The following ANKRD12 variants were observed in gnomAD, a reference collection of about 807,000 sequenced individuals.
ANKRD12 encodes the protein ankyrin repeat domain-containing protein 12.
ANKRD12 carries 85 observed loss-of-function variants against 183.4 expected under a neutral mutation model. The observed-to-expected ratio is 0.46, with a 90% CI of 0.39 to 0.56. The LOEUF (loss-of-function observed/expected upper bound fraction) is 0.56. ANKRD12 is among the 20% of genes least tolerant of loss of function. ANKRD12 has a pLI of 0.00. For synonymous variants in ANKRD12, 914 were observed against 800.2 expected (o/e 1.14, Z -2.40); for missense variants, 2,405 against 2,357.1 (o/e 1.02, Z -0.42).
At position 9,285,966 on chromosome 18, in the gene ANKRD12, C is replaced by A. The variant is rs2040207194; in HGVS notation, c.*4840C>A. 6.6e-6 allele frequency: 1 copy of A among 152,164 alleles called. No individual in the cohort carries two copies. The highest frequency in any genetic ancestry group is 6.6e-5 in the Admixed American group (1 of 15,256). 9.4% of individuals were successfully genotyped at this position (152,164 alleles called of 1,614,324 possible). ...CCAGTTTGGGACTATTGTTAATAAA[C>A]CTGTGAATCTGCAAGCCTATTTTGT... On this transcript the variant is annotated 3_prime_UTR_variant, in exon 13 of 13. Coordinates refer to ENST00000262126, the MANE Select transcript of ANKRD12 (RefSeq NM_015208.5).
At chr18:9,202,940 AC>A (rs2035262049) in intron 3 of ANKRD12, among the ~76,000 whole-genome samples, 1 of 152,188 alleles carries the variant, frequency 6.6e-6, no homozygotes, top group African/African-American at 2.4e-5. Context: ...AAACTGGTAA[AC>A]TACATTAATA....
At chr18:9,154,721 G>A (rs1043441736) in intron 1 of ANKRD12, among the ~76,000 whole-genome samples, 1 of 152,202 alleles carries the variant, frequency 6.6e-6, no homozygotes, top group African/African-American at 2.4e-5. Context: ...TAGCAAGTGA[G>A]ATGGGAAGAC....
At chr18:9,172,486 G>C (rs1220061220) in intron 1 of ANKRD12, among the ~76,000 whole-genome samples, 1 of 152,104 alleles carries the variant, frequency 6.6e-6, no homozygotes. Flanking sequence ...CAAGCCCTGA[G>C]ATTCTTTTCT....
Position 9,255,151 on chromosome 18 carries a change from T to C in ANKRD12, c.1884T>C (p.Asp628=). ...CAAATGCCAAAATAAAGGATGAAGATCATAGTCCAACATTTGAAAATTCAG... is the reference window on the plus strand; with the variant it reads ...CAAATGCCAAAATAAAGGATGAAGACCATAGTCCAACATTTGAAAATTCAG... ...EKSNAKIKDE[D]HSPTFENSDC... is the part of the protein sequence containing the mutation. Residue 628 remains aspartate (D), a synonymous_variant, in exon 9 of 13, where the codon GAT becomes GAC. Coordinates refer to ENST00000262126, the MANE Select transcript of ANKRD12 (RefSeq NM_015208.5). 1 of 1,587,368 alleles carries C rather than the reference T, an allele frequency of 6.3e-7. No individual in the cohort carries two copies. The highest frequency in any genetic ancestry group is 8.5e-7 in the Non-Finnish European group (1 of 1,172,374).
Position 9,204,934 on chromosome 18 carries a change from A to G in ANKRD12, c.304+390A>G, listed in dbSNP as rs140771547. Among the ~76,000 whole-genome samples, 1,491 of 152,370 alleles carry G rather than the reference A, an allele frequency of 9.8e-3. 10 individuals are homozygous for G. Among genetic ancestry groups the G allele is most frequent in the Non-Finnish European group, 0.016 (1,063 of 68,030 alleles). On this transcript the variant is annotated intron_variant, in intron 4 of 12. Coordinates refer to ENST00000262126, the MANE Select transcript of ANKRD12 (RefSeq NM_015208.5). ...AGGTATACCAAGTGTACTGATTTCAATAGACAGTGTCATCTTACCGTTTAG... is the reference window on the plus strand; with the variant it reads ...AGGTATACCAAGTGTACTGATTTCAGTAGACAGTGTCATCTTACCGTTTAG...
At chr18:9,170,643 A>G (rs929703697) in intron 1 of ANKRD12, among the ~76,000 whole-genome samples, 2 of 151,756 alleles carry the variant, frequency 1.3e-5, no homozygotes, top group African/African-American at 4.8e-5. Context: ...CTTCTTTGCC[A>G]TTGGTTTGAA....
intron 8 of ANKRD12, among the ~76,000 whole-genome samples, chr18:9,231,745 A>C (rs1169130061): frequency 6.6e-6 from 1 of 151,002 alleles, no homozygotes; most frequent in Non-Finnish European, 1.5e-5. Context: ...GGATAGCATG[A>C]ACCTGGGAGG....
chr18:9,249,317 AT>A lies in ANKRD12; in HGVS notation c.944-4892del, dbSNP rs2038148391. Among the ~76,000 whole-genome samples the A allele has an allele frequency of 3.3e-5, 5 of 152,302 alleles. No individual in the cohort carries two copies. In the South Asian group the frequency reaches 1.0e-3, roughly 32 times the overall value. On this transcript the variant is annotated intron_variant, in intron 8 of 12. Transcript: ENST00000262126. ...ATAATATAACATATAAAAGTTTCTCATTCCCTGGGTGCTATAAATGGTGCTC... is the reference window on the plus strand; with the variant it reads ...ATAATATAACATATAAAAGTTTCTCATCCCTGGGTGCTATAAATGGTGCTC...
At chr18:9,267,367 G>A (rs1281939513) in intron 10 of ANKRD12, among the ~76,000 whole-genome samples, 1 of 152,130 alleles carries the variant, frequency 6.6e-6, no homozygotes, top group Non-Finnish European at 1.5e-5. Context: ...CCACATAGTT[G>A]GAAGTAAAGC....
intron 8 of ANKRD12, among the ~76,000 whole-genome samples, chr18:9,250,545 C>G (rs188634045): frequency 1.4e-4 from 21 of 152,184 alleles, no homozygotes; most frequent in African/African-American, 4.8e-4. Context: ...ATAGTGAGTC[C>G]TCATCTCCAC....
rs1015767566 is a variant in ANKRD12, at chr18:9,214,858, C to T, written c.653-1900C>T. On this transcript the variant is annotated intron_variant, in intron 6 of 12. Transcript: ENST00000262126. ...TTTTTTGTAAAACATTCTTTTATCTCATGCAGCTTTTATGCGAATGCAAGA... is the reference window on the plus strand; with the variant it reads ...TTTTTTGTAAAACATTCTTTTATCTTATGCAGCTTTTATGCGAATGCAAGA... Among the ~76,000 whole-genome samples the T allele has an allele frequency of 2.6e-5, 4 of 152,204 alleles. No individual in the cohort carries two copies. In the South Asian group the frequency reaches 6.2e-4, roughly 24 times the overall value.
At chr18:9,222,801 A>G (rs1233113654) in intron 8 of ANKRD12, among the ~76,000 whole-genome samples, 2 of 152,228 alleles carry the variant, frequency 1.3e-5, no homozygotes, top group African/African-American at 2.4e-5. Context: ...TAGTTAAATT[A>G]TATTTCACAT....
At chr18:9,245,261 G>A (rs1353638753) in intron 8 of ANKRD12, among the ~76,000 whole-genome samples, 1 of 151,114 alleles carries the variant, frequency 6.6e-6, no homozygotes, top group African/African-American at 2.4e-5. Context: ...AGCAGCCTGG[G>A]CAACATGGCA....
At chr18:9,144,296 C>A (rs2078420171) in intron 1 of ANKRD12, among the ~76,000 whole-genome samples, 1 of 152,084 alleles carries the variant, frequency 6.6e-6, no homozygotes, top group Non-Finnish European at 1.5e-5. Flanking sequence ...TTTGCATAAT[C>A]TTTATATATT....
chr18:9,220,850 C>T (rs768740018), intron 7 of ANKRD12, among the ~76,000 whole-genome samples: 7 of 152,052 alleles, frequency 4.6e-5, no homozygotes, highest in Non-Finnish European at 1.0e-4. Flanking sequence ...AGGACAGAGT[C>T]ATAGGGAAAC....
chr18:9,180,371 T>A (rs934501164), intron 1 of ANKRD12, among the ~76,000 whole-genome samples: 1 of 152,198 alleles, frequency 6.6e-6, no homozygotes, highest in Non-Finnish European at 1.5e-5. Flanking sequence ...AGCAAACTTC[T>A]TGTTGGTTTT....
rs182197674 is a variant in ANKRD12, at chr18:9,212,116, C to T, written c.652+332C>T. 4.0e-3 allele frequency among the ~76,000 whole-genome samples: 613 copies of T among 152,148 alleles called. 3 individuals are homozygous for T. Among genetic ancestry groups the T allele is most frequent in the Non-Finnish European group, 5.1e-3 (349 of 67,912 alleles). ...GATTCATTCATAAGTATTTTAAGAACATTTATTAACTTGAACCATGAGGAC... is the reference window on the plus strand; with the variant it reads ...GATTCATTCATAAGTATTTTAAGAATATTTATTAACTTGAACCATGAGGAC... On this transcript the variant is annotated intron_variant, in intron 6 of 12. Transcript: ENST00000262126.
intron 1 of ANKRD12, among the ~76,000 whole-genome samples, chr18:9,170,012 ATTTTC>A (rs1408314963): frequency 6.8e-6 from 1 of 147,582 alleles, no homozygotes; most frequent in Non-Finnish European, 1.5e-5. Flanking sequence ...GTTGAAAATT[ATTTTC>A]TTTAAGAATG....
At chr18:9,249,363 A>C (rs926705510) in intron 8 of ANKRD12, among the ~76,000 whole-genome samples, 2 of 152,202 alleles carry the variant, frequency 1.3e-5, no homozygotes, top group African/African-American at 4.8e-5. Context: ...TGATGCTTTG[A>C]TAAGTTTACA....
Sources: allele counts gnomAD v4.1 joint callset (sites outside exome capture counted in the v4.1 genomes callset), GRCh38; gene constraint gnomAD v4.1.1; transcripts MANE v1.5; gene names NCBI Gene and HGNC (gene_info 2026-07-23, HGNC 2026-07-21).